Variants in TERB2 observed in about 807,000 individuals in gnomAD.
The protein encoded by TERB2 is telomere repeats-binding bouquet formation protein 2.
TERB2 carries 26 observed loss-of-function variants against 29.8 expected under a neutral mutation model. The observed-to-expected ratio is 0.87, with a 90% CI of 0.64 to 1.21. The LOEUF (loss-of-function observed/expected upper bound fraction) is 1.21. Ranked by LOEUF, TERB2 falls within the 50% of genes most tolerant of loss-of-function variation. TERB2 has a pLI of 0.00. For missense variants in TERB2, 240 were observed against 268.6 expected (o/e 0.89, Z 0.74); for synonymous variants, 80 against 90.8 (o/e 0.88, Z 0.68).
rs1244588632 is a variant in TERB2, at chr15:44,956,897, G to A, written c.66G>A (p.Val22=). 1.2e-6 allele frequency: 2 copies of A among 1,614,080 alleles called. No individual in the cohort carries two copies. Among genetic ancestry groups the A allele is most frequent in the South Asian group, 1.1e-5 (1 of 91,074 alleles). ...SVSQDLRQFW[V]AEGGTISDPR... ...CACCCTGTGCTCTTACCTCCACAGT[G>A]GCTGAAGGGGGAACGATCAGTGACC... The change falls in exon 2 of 7, where the codon GTG becomes GTA. Residue 22 remains valine, a splice_region_variant and synonymous_variant. Transcript: ENST00000340827.
chr15:44,974,765 C>T (rs964663172), intron 6 of TERB2, among the ~76,000 whole-genome samples: 8 of 151,950 alleles, frequency 5.3e-5, no homozygotes, highest in African/African-American at 1.7e-4. Context: ...TTTTTGAAAG[C>T]TTATTTAAAA....
At chr15:44,978,139 A>G (rs1235010748) in intron 6 of TERB2, among the ~76,000 whole-genome samples, 4 of 152,240 alleles carry the variant, frequency 2.6e-5, no homozygotes, top group Non-Finnish European at 5.9e-5. Flanking sequence ...TTGGATGGAT[A>G]GTTCTAAGTG....
intron 4 of TERB2, among the ~76,000 whole-genome samples, chr15:44,963,210 G>C (rs972700992): frequency 6.6e-6 from 1 of 152,132 alleles, no homozygotes; most frequent in Non-Finnish European, 1.5e-5. Flanking sequence ...GTAAAACAGC[G>C]TATCTTTACA....
Position 44,956,970 on chromosome 15 carries a change from A to T in TERB2, c.139A>T (p.Thr47Ser). The change falls in exon 2 of 7, where the codon ACG becomes TCG. Residue 47 changes from threonine (T) to serine (S), a missense_variant. Coordinates refer to ENST00000340827, the MANE Select transcript of TERB2 (RefSeq NM_152448.3). ...LFSCDASHPD[T>S]LRIYQSLDYI... ...CAGCTGTGATGCCTCGCACCCAGAC[A>T]CGCTGAGGTACTGAGGGCGACCTGG... is the stretch of plus-strand genomic sequence containing the variant. The T allele has an allele frequency of 1.2e-6, 2 of 1,613,470 alleles. No homozygotes were observed. The highest frequency in any genetic ancestry group is 1.1e-5 in the South Asian group (1 of 91,084).
intron 5 of TERB2, among the ~76,000 whole-genome samples, chr15:44,971,739 G>A (rs185440891): frequency 3.3e-5 from 5 of 151,728 alleles, no homozygotes; most frequent in Non-Finnish European, 7.4e-5. Flanking sequence ...CTGGGTGACA[G>A]AGCAAGACTC....
chr15:44,976,957 T>A (rs1892056038), intron 6 of TERB2, among the ~76,000 whole-genome samples: 1 of 152,110 alleles, frequency 6.6e-6, no homozygotes, highest in African/African-American at 2.4e-5. Flanking sequence ...GGCCATATTT[T>A]CTACCATGAA....
chr15:44,964,019 C>T (rs929814216), intron 4 of TERB2, among the ~76,000 whole-genome samples: 30 of 151,952 alleles, frequency 2.0e-4, no homozygotes, highest in Admixed American at 9.8e-4. Flanking sequence ...CCATGTTGGC[C>T]GGGATGGTCT....
At position 44,978,626 on chromosome 15, in the gene TERB2, T is replaced by G. The variant is rs186671686; in HGVS notation, c.661T>G (p.Ter221GluextTer1). 1.3e-6 allele frequency: 2 copies of G among 1,590,038 alleles called. No homozygotes were observed. The highest frequency in any genetic ancestry group is 1.7e-6 in the Non-Finnish European group (2 of 1,170,110). ...SAIKNKLKRK* is the reference protein window; with the variant it reads ...SAIKNKLKRKE ...TATAAAAAACAAATTGAAGAGGAAA[T>G]AGTAAATTAAATTGTAAATACCTTG... Residue 221 changes from the stop codon to glutamate (E), a stop_lost, in exon 7 of 7, where the codon TAG becomes GAG. Transcript: ENST00000340827.
intron 6 of TERB2, 40 bp downstream of exon 6, chr15:44,973,995 A>T: frequency 1.4e-6 from 2 of 1,410,114 alleles, no homozygotes; most frequent in Non-Finnish European, 1.9e-6. Context: ...CAGGTAGGAA[A>T]GAAACAAGGG....
intron 6 of TERB2, among the ~76,000 whole-genome samples, 159 bp from the exon 7 acceptor site, chr15:44,978,330 G>T (rs544720306): frequency 6.6e-6 from 1 of 152,240 alleles, no homozygotes; most frequent in East Asian, 1.9e-4. Context: ...TAATTATAAG[G>T]TTTCATGGAG....
chr15:44,961,217 C>T (rs60375368), intron 3 of TERB2, among the ~76,000 whole-genome samples: 1,661 of 127,804 alleles, frequency 0.013, 11 homozygotes, highest in Middle Eastern at 0.029. Flanking sequence ...TATATATATA[C>T]ACACACACAC....
intron 5 of TERB2, among the ~76,000 whole-genome samples, chr15:44,971,585 G>C (rs1208298034): frequency 1.3e-5 from 2 of 151,926 alleles, no homozygotes; most frequent in Admixed American, 6.6e-5. Context: ...TAAACCCCGT[G>C]TCTACTAAAA....
At chr15:44,963,519 T>A (rs1891838029) in intron 4 of TERB2, among the ~76,000 whole-genome samples, 1 of 152,138 alleles carries the variant, frequency 6.6e-6, no homozygotes, top group South Asian at 2.1e-4. Context: ...AAAAGAGGTA[T>A]AAAAGACATT....
At chr15:44,965,607 A>T (rs986508259) in intron 4 of TERB2, among the ~76,000 whole-genome samples, 11 of 144,460 alleles carry the variant, frequency 7.6e-5, no homozygotes, top group East Asian at 2.0e-4. Flanking sequence ...TTATATATTT[A>T]ATAGATATAT....
At chr15:44,965,458 AGAT>A (rs1891871999) in intron 4 of TERB2, among the ~76,000 whole-genome samples, 1 of 143,824 alleles carries the variant, frequency 7.0e-6, no homozygotes, top group African/African-American at 2.5e-5. Context: ...ATATTTATAA[AGAT>A]ATATATATTT....
intron 5 of TERB2, among the ~76,000 whole-genome samples, chr15:44,969,708 T>A (rs1891940934): frequency 1.3e-5 from 2 of 151,452 alleles, no homozygotes; most frequent in South Asian, 4.2e-4. Flanking sequence ...GCAGGAGGAT[T>A]GCTTAAGCCC....
At chr15:44,963,523 AG>A (rs1891838121) in intron 4 of TERB2, among the ~76,000 whole-genome samples, 1 of 152,126 alleles carries the variant, frequency 6.6e-6, no homozygotes, top group African/African-American at 2.4e-5. Flanking sequence ...GAGGTATAAA[AG>A]ACATTTGGAG....
chr15:44,966,093 A>G, intron 4 of TERB2, 65 bp from the exon 5 acceptor site: 1 of 879,744 alleles, frequency 1.1e-6, no homozygotes, highest in Non-Finnish European at 1.6e-6. Context: ...CCTTTTTAAA[A>G]ACATTACTGA....
rs140434298 is a variant in TERB2 at position 44,975,840 on chromosome 15, T to C, written c.523+1885T>C. On this transcript the variant is annotated intron_variant, in intron 6 of 6. Transcript: ENST00000340827. ...AATTTTCTCAGACTAATATCACTTA[T>C]TATCACCCATGATAAGAAGTTCTGA... 9.9e-3 allele frequency among the ~76,000 whole-genome samples: 1,508 copies of C among 152,326 alleles called. 35 individuals carry two copies. Among genetic ancestry groups the C allele is most frequent in the African/African-American group, 0.035 (1,438 of 41,580 alleles).
Sources: allele counts gnomAD v4.1 joint callset (sites outside exome capture counted in the v4.1 genomes callset), GRCh38; gene constraint gnomAD v4.1.1; transcripts MANE v1.5; gene names NCBI Gene and HGNC (gene_info 2026-07-23, HGNC 2026-07-21).